ATG5: variants seen among roughly 807,000 people sequenced by gnomAD.
ATG5 encodes autophagy related 5.
Under a neutral mutation model 36.5 loss-of-function variants are expected in ATG5, and 14 were observed. That is an observed-to-expected ratio of 0.38 (90% confidence interval 0.25 to 0.60). ATG5 has a LOEUF of 0.60. Ranked by LOEUF, ATG5 falls within the 20% of genes least tolerant of loss-of-function variation. ATG5 has a pLI of 0.60. For synonymous variants in ATG5, 95 were observed against 101.5 expected (o/e 0.94, Z 0.38); for missense variants, 195 against 326.7 (o/e 0.60, Z 3.11).
chr6:106,209,627 T>C (rs942477443), intron 6 of ATG5, among the ~76,000 whole-genome samples: 1 of 152,194 alleles, frequency 6.6e-6, no homozygotes, highest in Admixed American at 6.5e-5. Context: ...AATTTACATA[T>C]GTGATAAAGA....
At chr6:106,255,225 A>G (rs896223895) in intron 5 of ATG5, among the ~76,000 whole-genome samples, 1 of 152,214 alleles carries the variant, frequency 6.6e-6, no homozygotes, top group Non-Finnish European at 1.5e-5. Context: ...CTTAAGACCT[A>G]GATAACCATT....
intron 2 of ATG5, 32 bp downstream of exon 2, chr6:106,316,069 A>G (rs370977998): frequency 1.7e-5 from 26 of 1,538,934 alleles, no homozygotes; most frequent in Admixed American, 3.6e-5. Context: ...GACAAGGTTA[A>G]ATATCCCATT....
intron 3 of ATG5, among the ~76,000 whole-genome samples, chr6:106,298,480 G>A (rs1405233211): frequency 6.6e-6 from 1 of 152,036 alleles, no homozygotes; most frequent in Non-Finnish European, 1.5e-5. Context: ...GAACCCGGGA[G>A]GCGGAGGTTG....
intron 6 of ATG5, among the ~76,000 whole-genome samples, chr6:106,239,670 A>G (rs890525995): frequency 2.0e-5 from 3 of 152,258 alleles, no homozygotes; most frequent in South Asian, 2.1e-4. Flanking sequence ...AAACTACTTT[A>G]CTATAAACCA....
chr6:106,251,546 T>C (rs181307927), intron 5 of ATG5, among the ~76,000 whole-genome samples: 59 of 143,588 alleles, frequency 4.1e-4, no homozygotes, highest in African/African-American at 1.1e-3. Flanking sequence ...TCTGTATTAA[T>C]TGATATTAAC....
chr6:106,280,038 A>AAC, intron 4 of ATG5, among the ~76,000 whole-genome samples: 1 of 152,238 alleles, frequency 6.6e-6, no homozygotes, highest in East Asian at 1.9e-4. Flanking sequence ...GTTTTATAAC[A>AAC]ACATGAAAAA....
intron 5 of ATG5, among the ~76,000 whole-genome samples, chr6:106,272,875 A>G (rs919443070): frequency 1.3e-5 from 2 of 152,234 alleles, no homozygotes; most frequent in Non-Finnish European, 2.9e-5. Context: ...TCTGTGAGAA[A>G]TATTTGTGGC....
chr6:106,303,695 C>T (rs1770303550), intron 3 of ATG5, among the ~76,000 whole-genome samples: 1 of 152,004 alleles, frequency 6.6e-6, no homozygotes, highest in East Asian at 1.9e-4. Flanking sequence ...ATGTATAAAA[C>T]TTATTACATT....
chr6:106,247,575 T>C (rs1210264734), intron 6 of ATG5, among the ~76,000 whole-genome samples: 2 of 152,232 alleles, frequency 1.3e-5, no homozygotes, highest in Non-Finnish European at 2.9e-5. Context: ...AATACAAGGT[T>C]ATGTTTCCGT....
chr6:106,285,124 T>C (rs1363027953), intron 4 of ATG5, among the ~76,000 whole-genome samples: 13 of 152,304 alleles, frequency 8.5e-5, no homozygotes, highest in African/African-American at 2.4e-4. Flanking sequence ...CTCTCTATTC[T>C]CCAAACTGGG....
chr6:106,198,548 G>A (rs1279527147), intron 7 of ATG5, among the ~76,000 whole-genome samples: 3 of 152,050 alleles, frequency 2.0e-5, no homozygotes, highest in African/African-American at 4.8e-5. Flanking sequence ...AGGCTGAGGC[G>A]GATGAATCCC....
chr6:106,192,610 C>T lies in ATG5; in HGVS notation c.692-5934G>A, dbSNP rs1220985493. On this transcript the variant is annotated intron_variant, in intron 7 of 7. Transcript: ENST00000369076. The stretch of plus-strand genomic sequence containing the variant: ...TTAATTAATTTTTTAAAAGCTCATA[C>T]TTTAAATATGGAGTAGAAGTCTAAG... Among the ~76,000 whole-genome samples the T allele has an allele frequency of 2.6e-5, 4 of 152,100 alleles. No individual in the cohort carries two copies. The East Asian group carries it at 7.7e-4, about 29-fold the overall frequency.
chr6:106,231,429 G>A (rs1019653985), intron 6 of ATG5, among the ~76,000 whole-genome samples: 1 of 152,184 alleles, frequency 6.6e-6, no homozygotes, highest in African/African-American at 2.4e-5. Flanking sequence ...CAGGCCAGCA[G>A]GCAGTTCCCA....
Position 106,308,419 on chromosome 6 carries a change from T to G in ATG5, c.181A>C (p.Arg61=), listed in dbSNP as rs1358245318. The G allele has an allele frequency of 6.2e-7, 1 of 1,601,274 alleles. No individual in the cohort carries two copies. Among genetic ancestry groups the G allele is most frequent in the Non-Finnish European group, 8.5e-7 (1 of 1,174,658 alleles). The part of the protein sequence containing the change: ...KVKKHFQKVM[R]QEDISEIWFE... ...CATATCTCACTAATGTCTTCTTGTC[T>G]CATAACCTTCTGAAAGTGCTTTTTC... Residue 61 remains arginine, a synonymous_variant, in exon 3 of 8, where the codon AGA becomes CGA. Coordinates refer to ENST00000369076, the MANE Select transcript of ATG5 (RefSeq NM_004849.4).
intron 3 of ATG5, among the ~76,000 whole-genome samples, chr6:106,302,371 T>C (rs1770251748): frequency 6.6e-6 from 1 of 152,090 alleles, no homozygotes; most frequent in Non-Finnish European, 1.5e-5. Context: ...GCTTTAGTGT[T>C]TGGCTTTATA....
chr6:106,243,318 C>T (rs1290252048), intron 6 of ATG5, among the ~76,000 whole-genome samples: 1 of 152,158 alleles, frequency 6.6e-6, no homozygotes, highest in Non-Finnish European at 1.5e-5. Flanking sequence ...TCAAATTCTA[C>T]TTTATTTTAC....
intron 7 of ATG5, among the ~76,000 whole-genome samples, chr6:106,195,496 G>C (rs1776138831): frequency 6.6e-6 from 1 of 151,918 alleles, no homozygotes; most frequent in African/African-American, 2.4e-5. Context: ...ATTTTTAAAT[G>C]ACAATTTTTT....
In ATG5 at chr6:106,191,922, G is replaced by A. The variant is rs1263177558; in HGVS notation, c.692-5246C>T. Among the ~76,000 whole-genome samples the A allele has an allele frequency of 2.6e-5, 4 of 151,970 alleles. No homozygotes were observed. In the East Asian group the frequency reaches 7.7e-4, roughly 29 times the overall value. ...AACCATGGATTCAATTATGTGATTG[G>A]CATACAAAGGGCTGTAAGAATTTGG... On this transcript the variant is annotated intron_variant, in intron 7 of 7. Transcript: ENST00000369076.
chr6:106,223,354 G>A (rs1305270669), intron 6 of ATG5, among the ~76,000 whole-genome samples: 2 of 152,190 alleles, frequency 1.3e-5, no homozygotes, highest in African/African-American at 4.8e-5. Context: ...AAAGCTGGAG[G>A]AGGAAGGGGA....
Sources: allele counts gnomAD v4.1 joint callset (sites outside exome capture counted in the v4.1 genomes callset), GRCh38; gene constraint gnomAD v4.1.1; transcripts MANE v1.5; gene names NCBI Gene and HGNC (gene_info 2026-07-23, HGNC 2026-07-21).